Variants in MYO5B observed in about 807,000 individuals in gnomAD.
MYO5B encodes unconventional myosin-Vb.
In MYO5B, 143 loss-of-function variants were observed where a neutral mutation model predicts 229.3. That is an observed-to-expected ratio of 0.62 (90% confidence interval 0.54 to 0.72). The LOEUF (loss-of-function observed/expected upper bound fraction) is 0.72. MYO5B is among the 30% of genes least tolerant of loss of function. The probability of loss-of-function intolerance (pLI) is 0.00; values close to 1 mark genes in which losing one functional copy is unlikely to be tolerated. For missense variants in MYO5B, 2,321 were observed against 2,331.0 expected (o/e 1.00, Z 0.09); for synonymous variants, 918 against 885.2 (o/e 1.04, Z -0.66).
chr18:50,014,353 T>C (rs1180695739), intron 4 of MYO5B, among the ~76,000 whole-genome samples: 2 of 151,244 alleles, frequency 1.3e-5, no homozygotes, highest in East Asian at 3.9e-4. Flanking sequence ...TTAATGATAA[T>C]GCAGTGGTCT....
intron 1 of MYO5B, among the ~76,000 whole-genome samples, chr18:50,159,334 T>A (rs1195173555): frequency 6.6e-6 from 1 of 152,208 alleles, no homozygotes; most frequent in Admixed American, 6.5e-5. Flanking sequence ...ATTTGATTAT[T>A]TCAACCCCTG....
At chr18:49,834,760 T>C (rs1466036599) in intron 39 of MYO5B, among the ~76,000 whole-genome samples, 2 of 152,072 alleles carry the variant, frequency 1.3e-5, no homozygotes, top group African/African-American at 4.8e-5. Context: ...TGCCTCAGCC[T>C]CCCGAGTAGC....
intron 38 of MYO5B, 38 bp downstream of exon 38, chr18:49,836,673 T>C (rs779397879): frequency 1.2e-6 from 2 of 1,612,630 alleles, no homozygotes; most frequent in Non-Finnish European, 1.7e-6. Flanking sequence ...AGGGCTTCCT[T>C]GGAATACCAT....
chr18:50,059,863 C>T (rs144106280), intron 1 of MYO5B, among the ~76,000 whole-genome samples: 2,867 of 152,280 alleles, frequency 0.019, 43 homozygotes, highest in Middle Eastern at 0.037. Flanking sequence ...AATTTTGCCT[C>T]ATATGCTGGC....
rs555903597 is a variant in MYO5B at position 49,837,401 on chromosome 18, G to A, written c.5138+116C>T. The stretch of plus-strand genomic sequence containing the variant: ...TGAGTCACAGACTGATGGAGACAAG[G>A]ACTGTCAATTAGATTTGGATTTCAT... On this transcript the variant is annotated intron_variant, in intron 37 of 39. Coordinates refer to ENST00000285039, the MANE Select transcript of MYO5B (RefSeq NM_001080467.3). 5.5e-6 allele frequency: 7 copies of A among 1,267,512 alleles called. No individual in the cohort carries two copies. In the East Asian group the frequency reaches 1.6e-4, roughly 30 times the overall value. The allele number at this position is 1,267,512 out of a possible 1,614,324, so 78.5% of individuals were successfully genotyped here.
At position 49,936,126 on chromosome 18, in the gene MYO5B, G is replaced by C; in HGVS notation, c.2003+126C>G. 6.4e-6 allele frequency: 5 copies of C among 778,780 alleles called. No homozygotes were observed. In the East Asian group the frequency reaches 1.3e-4, roughly 21 times the overall value. The allele number at this position is 778,780 out of a possible 1,614,324, so 48.2% of individuals were successfully genotyped here. On this transcript the variant is annotated intron_variant, in intron 16 of 39. Transcript: ENST00000285039. The stretch of plus-strand genomic sequence containing the variant: ...TCTGTCTGCAGCAAGTAAGATGTCT[G>C]GGGAGTGTAAGTCCAGGTGGTCATC...
chr18:50,140,195 A>C (rs1261398847), intron 1 of MYO5B, among the ~76,000 whole-genome samples: 1 of 152,246 alleles, frequency 6.6e-6, no homozygotes, highest in Non-Finnish European at 1.5e-5. Flanking sequence ...TAGATACCAC[A>C]TCTAAAATAA....
rs907735623 is a variant in MYO5B, at chr18:50,162,493, C to T, written c.27+32274G>A. 4.6e-5 allele frequency among the ~76,000 whole-genome samples: 7 copies of T among 152,196 alleles called. No homozygotes were observed. In the South Asian group the frequency reaches 1.4e-3, roughly 32 times the overall value. On this transcript the variant is annotated intron_variant, in intron 1 of 39. Transcript: ENST00000285039. ...CCTCCTGATAGACAACTCTTTTCTT[C>T]AAAGAGCGTATTTTCCATGAGATTG...
intron 27 of MYO5B, among the ~76,000 whole-genome samples, chr18:49,866,204 G>A (rs1227784187): frequency 6.6e-6 from 1 of 151,768 alleles, no homozygotes; most frequent in African/African-American, 2.4e-5. Flanking sequence ...GAGTAGCTGG[G>A]ACTACAGGCG....
chr18:50,001,292 A>G lies in MYO5B; in HGVS notation c.575T>C (p.Ile192Thr). Residue 192 changes from isoleucine (I) to threonine (T), a missense_variant, in exon 5 of 40, where the codon ATC (isoleucine) becomes ACC (threonine). By Grantham distance (89) the Ile-to-Thr change is moderately conservative. Transcript: ENST00000285039. ...ACTGGATGCCAGCACCTTCTCTTCG[A>G]TGTTGGTTTCACTGGCCGAGCCACC... ...TVGGSASETN[I>T]EEKVLASSPI... 6.2e-7 allele frequency: 1 copy of G among 1,614,146 alleles called. No individual in the cohort carries two copies. Among genetic ancestry groups the G allele is most frequent in the Non-Finnish European group, 8.5e-7 (1 of 1,180,006 alleles).
In MYO5B at chr18:49,826,185, T is replaced by C. The variant is rs140189218; in HGVS notation, c.*286A>G. 118 of 407,434 alleles carry C rather than the reference T, an allele frequency of 2.9e-4. No individual in the cohort carries two copies. Among genetic ancestry groups the C allele is most frequent in the Non-Finnish European group, 4.7e-4 (103 of 218,346 alleles). The allele number at this position is 407,434 out of a possible 1,614,324, so 25.2% of individuals were successfully genotyped here. ...TTCGTTTTATAGAATTGACACCTTT[T>C]ATATGTCTATGGGGACTGCTTGGTG... On this transcript the variant is annotated 3_prime_UTR_variant, in exon 40 of 40. Coordinates refer to ENST00000285039, the MANE Select transcript of MYO5B (RefSeq NM_001080467.3).
chr18:50,179,743 C>T (rs2033046028), intron 1 of MYO5B, among the ~76,000 whole-genome samples: 1 of 152,216 alleles, frequency 6.6e-6, no homozygotes, highest in Admixed American at 6.5e-5. Flanking sequence ...TCCCCTAGTA[C>T]TGTGCTGGCC....
At position 50,057,071 on chromosome 18, in the gene MYO5B, A is replaced by C. The variant is rs1262496437; in HGVS notation, c.28-1693T>G. Among the ~76,000 whole-genome samples the C allele has an allele frequency of 2.0e-5, 3 of 152,224 alleles. No individual in the cohort carries two copies. The East Asian group carries it at 5.8e-4, about 29-fold the overall frequency. The stretch of plus-strand genomic sequence containing the variant: ...AACAAAGAGCTTTATTGCATCTGAG[A>C]GCTCCAGAGTAAAATATAAGGAATG... On this transcript the variant is annotated intron_variant, in intron 1 of 39. Coordinates refer to ENST00000285039, the MANE Select transcript of MYO5B (RefSeq NM_001080467.3).
At chr18:50,023,624 A>G (rs1338464871) in intron 4 of MYO5B, among the ~76,000 whole-genome samples, 1 of 152,176 alleles carries the variant, frequency 6.6e-6, no homozygotes, top group Non-Finnish European at 1.5e-5. Flanking sequence ...AGAATAGTAA[A>G]CTATCACATG....
chr18:49,995,898 A>G (rs1018475021), intron 5 of MYO5B, among the ~76,000 whole-genome samples: 4 of 152,234 alleles, frequency 2.6e-5, no homozygotes, highest in African/African-American at 9.6e-5. Context: ...AAAACAAAAC[A>G]GAAACTAAAG....
chr18:49,830,981 A>T (rs1017805979), intron 39 of MYO5B, among the ~76,000 whole-genome samples: 1 of 143,338 alleles, frequency 7.0e-6, no homozygotes, highest in African/African-American at 2.4e-5. Flanking sequence ...CCCAGAAAAA[A>T]AAAAAACCCT....
chr18:50,029,838 T>A (rs1396673964), intron 4 of MYO5B, among the ~76,000 whole-genome samples: 4 of 152,164 alleles, frequency 2.6e-5, no homozygotes, highest in Non-Finnish European at 5.9e-5. Flanking sequence ...GGCAGACCCT[T>A]GCATACTCCT....
At position 49,900,694 on chromosome 18, in the gene MYO5B, A is replaced by G. The variant is rs1223610290; in HGVS notation, c.2811+1900T>C. On this transcript the variant is annotated intron_variant, in intron 21 of 39. Coordinates refer to ENST00000285039, the MANE Select transcript of MYO5B (RefSeq NM_001080467.3). ...CTTACAAAGCCATACCCACTCTAAA[A>G]TTCTGTTTCTCCATGCCACACACAC... 7.9e-5 allele frequency among the ~76,000 whole-genome samples: 12 copies of G among 152,214 alleles called. No individual in the cohort carries two copies. In the East Asian group the frequency reaches 2.1e-3, roughly 27 times the overall value.
In MYO5B at chr18:49,823,350, C is replaced by CAT. The variant is rs1204788389; in HGVS notation, c.*3119_*3120dup. The CAT allele has an allele frequency of 5.9e-5, 9 of 152,284 alleles. No individual in the cohort carries two copies. Among genetic ancestry groups the CAT allele is most frequent in the Non-Finnish European group, 1.3e-4 (9 of 68,050 alleles). 9.4% of individuals were successfully genotyped at this position (152,284 alleles called of 1,614,324 possible). ...TGTGAAGAACTACAAGGTCTTGCCC[C>CAT]ATGCTGTCCCATTTTAGTGACCATT... On this transcript the variant is annotated 3_prime_UTR_variant, in exon 40 of 40. Transcript: ENST00000285039.
Sources: gnomAD v4.1 joint callset for allele counts (sites outside exome capture counted in the v4.1 genomes callset) on GRCh38, gnomAD v4.1.1 for gene constraint, MANE v1.5 for transcripts, NCBI Gene and HGNC (gene_info 2026-07-23, HGNC 2026-07-21) for gene names.